DIAPH2: variants seen among roughly 807,000 people sequenced by gnomAD.
The protein encoded by DIAPH2 is protein diaphanous homolog 2.
DIAPH2 carries 35 observed loss-of-function variants against 92.7 expected under a neutral mutation model. The observed-to-expected ratio is 0.38, with a 90% CI of 0.29 to 0.50. DIAPH2 has a LOEUF of 0.50. Ranked by LOEUF, DIAPH2 falls within the 20% of genes least tolerant of loss-of-function variation. The probability of loss-of-function intolerance (pLI) is 0.94; values close to 1 mark genes in which losing one functional copy is unlikely to be tolerated. For synonymous variants in DIAPH2, 301 were observed against 280.4 expected, an observed-to-expected ratio of 1.07 and a Z score of -0.73; for missense variants, 701 against 819.5, an observed-to-expected ratio of 0.86 and a Z score of 1.77.
intron 24 of DIAPH2, among the ~76,000 whole-genome samples, chrX:97,362,155 C>T (rs1336566485): frequency 9.1e-6 from 1 of 109,745 alleles, no homozygotes; most frequent in African/African-American, 3.3e-5. Flanking sequence ...GCAGGAGAAT[C>T]TCTTGAACCC....
At chrX:96,937,375 C>T (rs748454579) in intron 11 of DIAPH2, 24 bp downstream of exon 11, 12 of 997,147 alleles carry the variant, frequency 1.2e-5, no homozygotes, top group Non-Finnish European at 1.6e-5. Flanking sequence ...AACCACAAAA[C>T]AATTTTGTTT....
chrX:97,485,830 A>C (rs1437118035), intron 26 of DIAPH2, among the ~76,000 whole-genome samples: 1 of 111,075 alleles, frequency 9.0e-6, no homozygotes, highest in African/African-American at 3.3e-5. Context: ...GCATGGCCTC[A>C]TTTTTACTGA....
chrX:96,996,060 C>A, intron 17 of DIAPH2, among the ~76,000 whole-genome samples: 1 of 111,374 alleles, frequency 9.0e-6, no homozygotes, highest in Non-Finnish European at 1.9e-5. Flanking sequence ...TACTCTTCAC[C>A]TAGAGATAAA....
intron 19 of DIAPH2, among the ~76,000 whole-genome samples, chrX:97,077,270 C>A (rs1261161904): frequency 9.0e-6 from 1 of 111,639 alleles, no homozygotes; most frequent in Non-Finnish European, 1.9e-5. Flanking sequence ...GGAGAAAAGA[C>A]TATAATCACT....
At chrX:96,931,427 A>G (rs1602638862) in intron 10 of DIAPH2, among the ~76,000 whole-genome samples, 1 of 111,745 alleles carries the variant, frequency 8.9e-6, no homozygotes, top group East Asian at 2.8e-4. Context: ...TTATTTTTAT[A>G]AATACAAATA....
intron 26 of DIAPH2, among the ~76,000 whole-genome samples, chrX:97,534,391 T>C (rs2147852726): frequency 9.0e-6 from 1 of 110,926 alleles, no homozygotes; most frequent in South Asian, 3.8e-4. Flanking sequence ...TTACTAAATA[T>C]CTTGGTCATG....
At chrX:96,939,585 T>G (rs1602646789) in intron 12 of DIAPH2, among the ~76,000 whole-genome samples, 1 of 39,954 alleles carries the variant, frequency 2.5e-5, no homozygotes, top group Non-Finnish European at 6.7e-5. Flanking sequence ...TGTGTGTATA[T>G]GTGTGTGTGT....
intron 5 of DIAPH2, among the ~76,000 whole-genome samples, chrX:96,901,094 T>A (rs1569423770): frequency 9.0e-6 from 1 of 111,110 alleles, no homozygotes; most frequent in African/African-American, 3.3e-5. Context: ...GGTCCTGGAG[T>A]TTTTCTTGTT....
chrX:97,395,120 T>TA (rs1205497240), intron 25 of DIAPH2, among the ~76,000 whole-genome samples: 1 of 111,999 alleles, frequency 8.9e-6, no homozygotes, highest in African/African-American at 3.2e-5. Context: ...ATCCCTTTGA[T>TA]AATAATAATT....
At chrX:97,018,894 C>T (rs1461829274) in intron 17 of DIAPH2, among the ~76,000 whole-genome samples, 1 of 111,565 alleles carries the variant, frequency 9.0e-6, no homozygotes, top group African/African-American at 3.3e-5. Flanking sequence ...ATCTTCCGTG[C>T]CCTACCTATT....
chrX:97,181,052 G>T (rs1376072192), intron 22 of DIAPH2, among the ~76,000 whole-genome samples: 1 of 111,077 alleles, frequency 9.0e-6, no homozygotes, highest in Non-Finnish European at 1.9e-5. Context: ...AATGTCAATG[G>T]CAGTTTTGTT....
chrX:96,732,283 T>G (rs1482996148), intron 1 of DIAPH2, among the ~76,000 whole-genome samples: 1 of 112,271 alleles, frequency 8.9e-6, no homozygotes, highest in African/African-American at 3.2e-5. Flanking sequence ...TGTTTGCAGA[T>G]CATTTAATTG....
intron 17 of DIAPH2, among the ~76,000 whole-genome samples, chrX:97,055,976 T>C (rs1477318229): frequency 1.8e-5 from 2 of 111,757 alleles, no homozygotes; most frequent in Non-Finnish European, 3.8e-5. Context: ...CTTAAACCAG[T>C]AGGACAATTT....
At chrX:97,453,334 A>G (rs2070374774) in intron 26 of DIAPH2, among the ~76,000 whole-genome samples, 1 of 110,210 alleles carries the variant, frequency 9.1e-6, no homozygotes, top group African/African-American at 3.3e-5. Context: ...TGTTGTAAAC[A>G]TCTTTCTACA....
chrX:97,540,339 A>C (rs1409867477), intron 26 of DIAPH2, among the ~76,000 whole-genome samples: 1 of 111,759 alleles, frequency 8.9e-6, no homozygotes, highest in African/African-American at 3.2e-5. Context: ...GCACGTGCTC[A>C]TGTGTGTTTA....
Position 96,957,739 on chromosome X carries a change from A to G in DIAPH2, c.1615-89A>G, listed in dbSNP as rs1383674573. 3.0e-6 allele frequency: 2 copies of G among 677,178 alleles called. 1 individual carries two copies. The highest frequency in any genetic ancestry group is 7.5e-5 in the Admixed American group (2 of 26,518). 55.8% of individuals were successfully genotyped at this position (677,178 alleles called of 1,213,427 possible). On this transcript the variant is annotated intron_variant, in intron 15 of 26. Coordinates refer to ENST00000324765, the MANE Select transcript of DIAPH2 (RefSeq NM_006729.5). ...TATATGATCTTAAAACATAAGATAA[A>G]TAAACTACAAATATCTATTGATATA...
chrX:97,237,313 A>G (rs1289481557), intron 22 of DIAPH2, among the ~76,000 whole-genome samples: 3 of 111,381 alleles, frequency 2.7e-5, no homozygotes, highest in Admixed American at 9.6e-5. Context: ...CATAGATTGG[A>G]CAAGTGAAGA....
chrX:96,699,754 T>G (rs1204847358), intron 1 of DIAPH2, among the ~76,000 whole-genome samples: 2 of 111,825 alleles, frequency 1.8e-5, no homozygotes, highest in African/African-American at 3.3e-5. Context: ...AAGCATGGTT[T>G]GTTTCATTGA....
At chrX:97,106,803 G>A (rs1369933099) in intron 20 of DIAPH2, among the ~76,000 whole-genome samples, 1 of 111,503 alleles carries the variant, frequency 9.0e-6, no homozygotes, top group Non-Finnish European at 1.9e-5. Context: ...ATGGTGGCGG[G>A]TGCCTGTAAT....
Sources: gnomAD v4.1 joint callset for allele counts (sites outside exome capture counted in the v4.1 genomes callset) on GRCh38, gnomAD v4.1.1 for gene constraint, MANE v1.5 for transcripts, NCBI Gene and HGNC (gene_info 2026-07-23, HGNC 2026-07-21) for gene names.